SMAD9: variants seen among roughly 807,000 people sequenced by gnomAD.
SMAD9 encodes the protein SMAD family member 9, also known as MAD homolog 9.
A neutral mutation model predicts 46.1 loss-of-function variants in SMAD9; 36 were observed. The ratio of observed to expected loss-of-function variants is 0.78; its 90% confidence interval spans 0.60 to 1.03. The LOEUF (loss-of-function observed/expected upper bound fraction) is 1.03. Ranked by LOEUF, SMAD9 falls within the 50% of genes least tolerant of loss-of-function variation. The pLI, the probability that SMAD9 is intolerant of heterozygous loss-of-function variation, is 0.00. For missense variants in SMAD9, 572 were observed against 599.8 expected (o/e 0.95, Z 0.48); for synonymous variants, 245 against 237.1 (o/e 1.03, Z -0.31).
chr13:36,858,157 CTG>C (rs969910636), intron 5 of SMAD9, among the ~76,000 whole-genome samples: 36 of 152,242 alleles, frequency 2.4e-4, no homozygotes, highest in African/African-American at 8.4e-4. Context: ...ATTCCCCTCT[CTG>C]TTTTCCTATT....
chr13:36,903,111 T>C (rs918707686), intron 1 of SMAD9, among the ~76,000 whole-genome samples: 9 of 57,092 alleles, frequency 1.6e-4, no homozygotes, highest in African/African-American at 2.7e-4. Context: ...GGGCTCTTTC[T>C]TTTTTTTTCT....
In SMAD9 at chr13:36,900,336, C is replaced by A. The variant is rs538708; in HGVS notation, c.-187+19780G>T. Among the ~76,000 whole-genome samples the A allele has an allele frequency of 7.1e-3, 1,076 of 151,600 alleles. 12 individuals carry two copies. Among genetic ancestry groups the A allele is most frequent in the African/African-American group, 0.025 (1,035 of 41,362 alleles). On this transcript the variant is annotated intron_variant, in intron 1 of 6. Coordinates refer to ENST00000379826, the MANE Select transcript of SMAD9 (RefSeq NM_001127217.3). ...TACTCTGTCATCCAGGCTGGAGTGC[C>A]GTGGCGTGATCTCTGCTCACTGCAA...
intron 4 of SMAD9, among the ~76,000 whole-genome samples, chr13:36,865,959 T>TG (rs1292080104): frequency 6.6e-6 from 1 of 152,166 alleles, no homozygotes; most frequent in African/African-American, 2.4e-5. Flanking sequence ...ACACCTGAGA[T>TG]GTAGAGCCCA....
chr13:36,866,426 T>C (rs1260157294), intron 4 of SMAD9, among the ~76,000 whole-genome samples: 1 of 152,070 alleles, frequency 6.6e-6, no homozygotes. Flanking sequence ...TAAAGTTAAG[T>C]CACTTTCCTG....
At chr13:36,861,237 G>A (rs773683847) in intron 5 of SMAD9, among the ~76,000 whole-genome samples, 1 of 152,142 alleles carries the variant, frequency 6.6e-6, no homozygotes, top group Non-Finnish European at 1.5e-5. Flanking sequence ...TAAGTCACAA[G>A]GAATAAAAGC....
At position 36,862,136 on chromosome 13, in the gene SMAD9, G is replaced by C. The variant is rs189622714; in HGVS notation, c.1003+3401C>G. On this transcript the variant is annotated intron_variant, in intron 5 of 6. Transcript: ENST00000379826. The stretch of plus-strand genomic sequence containing the variant: ...CCTGACAGACTGGTTCAGGCTCCAC[G>C]AACACTGACTTCCTTGCTCTCTGTG... Among the ~76,000 whole-genome samples the C allele has an allele frequency of 5.9e-4, 90 of 152,162 alleles. 1 individual carries two copies. The highest frequency in any genetic ancestry group is 1.9e-3 in the African/African-American group (79 of 41,520).
chr13:36,872,242 A>T (rs1230380407), intron 3 of SMAD9, among the ~76,000 whole-genome samples: 1 of 151,840 alleles, frequency 6.6e-6, no homozygotes, highest in Non-Finnish European at 1.5e-5. Flanking sequence ...TGTTTTAGGC[A>T]AGGGCTTCCT....
At chr13:36,870,535 A>C (rs1277856825) in intron 3 of SMAD9, among the ~76,000 whole-genome samples, 1 of 142,964 alleles carries the variant, frequency 7.0e-6, no homozygotes, top group Non-Finnish European at 1.5e-5. Flanking sequence ...ACTCCTTATA[A>C]TCACTTGCCT....
intron 1 of SMAD9, among the ~76,000 whole-genome samples, chr13:36,906,460 C>T (rs781528280): frequency 6.6e-6 from 1 of 151,998 alleles, no homozygotes; most frequent in Non-Finnish European, 1.5e-5. Flanking sequence ...ATAAGGGATA[C>T]ACATCCAGAA....
intron 1 of SMAD9, among the ~76,000 whole-genome samples, chr13:36,915,180 T>C (rs575276499): frequency 6.6e-6 from 1 of 152,276 alleles, no homozygotes; most frequent in African/African-American, 2.4e-5. Flanking sequence ...AAACTCTAAG[T>C]CGTCAGAATC....
chr13:36,860,524 A>C (rs556193591), intron 5 of SMAD9, among the ~76,000 whole-genome samples: 1 of 147,268 alleles, frequency 6.8e-6, no homozygotes, highest in South Asian at 2.1e-4. Flanking sequence ...AACTCGGCTC[A>C]CTGCAAGCTC....
rs759265077 is a variant in SMAD9, at chr13:36,915,917, AT to A, written c.-187+4198del. ...GTACAACTGAATATATTATATGGGC[AT>A]GACATTTATAAGCAAATTCTATTTT... On this transcript the variant is annotated intron_variant, in intron 1 of 6. Coordinates refer to ENST00000379826, the MANE Select transcript of SMAD9 (RefSeq NM_001127217.3). 2.7e-3 allele frequency among the ~76,000 whole-genome samples: 417 copies of A among 152,222 alleles called. 5 individuals carry two copies. The highest frequency in any genetic ancestry group is 2.1e-3 in the Non-Finnish European group (146 of 68,018).
At chr13:36,919,748 G>A (rs1036893284) in intron 1 of SMAD9, among the ~76,000 whole-genome samples, 17 of 149,252 alleles carry the variant, frequency 1.1e-4, no homozygotes, top group Admixed American at 6.6e-4. Context: ...CCGCGGCGCG[G>A]GCGGATGCAG....
At chr13:36,898,446 T>C (rs560948398) in intron 1 of SMAD9, among the ~76,000 whole-genome samples, 71 of 151,230 alleles carry the variant, frequency 4.7e-4, no homozygotes, top group Admixed American at 9.2e-4. Context: ...AAAAATCTTA[T>C]AAGATATTAG....
chr13:36,900,031 T>C (rs544524819), intron 1 of SMAD9, among the ~76,000 whole-genome samples: 20 of 152,290 alleles, frequency 1.3e-4, no homozygotes, highest in African/African-American at 3.8e-4. Context: ...GGTGGCATAT[T>C]AGAATGATCC....
chr13:36,900,906 C>T (rs977767538), intron 1 of SMAD9, among the ~76,000 whole-genome samples: 3 of 151,876 alleles, frequency 2.0e-5, no homozygotes, highest in African/African-American at 7.2e-5. Context: ...AAATAGAACC[C>T]TATACACATT....
chr13:36,882,950 AC>A (rs1435471278), intron 1 of SMAD9, among the ~76,000 whole-genome samples: 1 of 151,890 alleles, frequency 6.6e-6, no homozygotes, highest in Non-Finnish European at 1.5e-5. Context: ...GATGGCAGAG[AC>A]CCCATTTCCT....
chr13:36,848,895 G>T, intron 6 of SMAD9, 76 bp from the exon 7 acceptor site: 1 of 1,484,794 alleles, frequency 6.7e-7, no homozygotes, highest in Non-Finnish European at 9.3e-7. Context: ...AGAGCTCAGC[G>T]GGGCACAGAG....
chr13:36,856,965 G>C (rs768619437), intron 5 of SMAD9, among the ~76,000 whole-genome samples: 7 of 151,920 alleles, frequency 4.6e-5, no homozygotes, highest in Non-Finnish European at 8.8e-5. Flanking sequence ...ACCACACCTG[G>C]CTAATTTTTT....
Sources: gnomAD v4.1 joint callset for allele counts (sites outside exome capture counted in the v4.1 genomes callset) on GRCh38, gnomAD v4.1.1 for gene constraint, MANE v1.5 for transcripts, NCBI Gene and HGNC (gene_info 2026-07-23, HGNC 2026-07-21) for gene names.